The following SYN1 variants were observed in gnomAD, a reference collection of about 807,000 sequenced individuals.
SYN1 encodes the protein synapsin I, also known as synapsin-1.
Under a neutral mutation model 44.6 loss-of-function variants are expected in SYN1, and 8 were observed. The ratio of observed to expected loss-of-function variants is 0.18; its 90% CI spans 0.11 to 0.32. The LOEUF is 0.32. SYN1 is among the 10% of genes least tolerant of loss of function. The probability of loss-of-function intolerance (pLI) is 1.00; values close to 1 mark genes in which losing one functional copy is unlikely to be tolerated. For missense variants in SYN1, 451 were observed against 639.4 expected, an observed-to-expected ratio of 0.71 and a Z score of 3.18; for synonymous variants, 275 against 280.1, an observed-to-expected ratio of 0.98 and a Z score of 0.18.
chrX:47,598,227 G>T (rs933089255), intron 5 of SYN1, among the ~76,000 whole-genome samples: 2 of 112,151 alleles, frequency 1.8e-5, no homozygotes, highest in African/African-American at 3.2e-5. Context: ...ATGTTCATGG[G>T]CACACAATGT....
chrX:47,594,579 G>A (rs1157052961), intron 5 of SYN1, among the ~76,000 whole-genome samples: 1 of 110,529 alleles, frequency 9.0e-6, no homozygotes, highest in Non-Finnish European at 1.9e-5. Context: ...CCTTTTAGAA[G>A]GGGTCCTGCC....
intron 1 of SYN1, among the ~76,000 whole-genome samples, chrX:47,611,724 G>A (rs777875917): frequency 1.8e-5 from 2 of 111,557 alleles, no homozygotes; most frequent in Non-Finnish European, 3.8e-5. Flanking sequence ...GCAAGAGAGG[G>A]TGAGCATATT....
chrX:47,614,452 G>C (rs189327212), intron 1 of SYN1, among the ~76,000 whole-genome samples: 13 of 111,270 alleles, frequency 1.2e-4, no homozygotes, highest in African/African-American at 3.9e-4. Context: ...AGGAGAGGAT[G>C]AATATCATTT....
At chrX:47,586,733 C>G in intron 5 of SYN1, 3 of 1,169,267 alleles carry the variant, frequency 2.6e-6, no homozygotes, top group Non-Finnish European at 3.4e-6. Flanking sequence ...CAGTGTCCAC[C>G]CTGTTCCCAC....
rs1370752310 is a variant in SYN1 at position 47,619,165 on chromosome X, T to C, written c.377+187A>G. On this transcript the variant is annotated intron_variant, in intron 1 of 12. Coordinates refer to ENST00000295987, the MANE Select transcript of SYN1 (RefSeq NM_006950.3). ...AATTGCTCCCTGGATCCATCAAGGTTTAAGGGGCGGAGGGGGGCGACAAGG... is the reference window on the plus strand; with the variant it reads ...AATTGCTCCCTGGATCCATCAAGGTCTAAGGGGCGGAGGGGGGCGACAAGG... Among the ~76,000 whole-genome samples, 12 of 110,338 alleles carry C rather than the reference T, an allele frequency of 1.1e-4. No individual in the cohort carries two copies. In the Admixed American group the frequency reaches 1.1e-3, roughly 11 times the overall value.
Position 47,574,163 on chromosome X carries a change from C to T in SYN1, c.1821G>A (p.Ala607=). 2.0e-5 allele frequency: 21 copies of T among 1,053,406 alleles called. No individual in the cohort carries two copies. The highest frequency in any genetic ancestry group is 2.5e-5 in the Non-Finnish European group (21 of 825,982). The allele number at this position is 1,053,406 out of a possible 1,213,427, so 86.8% of individuals were successfully genotyped here. A position where few individuals can be genotyped will look rare whatever the true frequency, so the allele number is the denominator to read the frequency against. ...GTGGCCCAGTGCGGGGCACGGGACC[C>T]GCCTGGCTGGCCTGGCGTGTGGGGC... The part of the protein sequence containing the change: ...PAGPTRQASQ[A]GPVPRTGPPT... Residue 607 remains alanine (A), a synonymous_variant, in exon 12 of 13, where the codon GCG becomes GCA. Transcript: ENST00000295987.
rs1012970135 is a variant in SYN1 at position 47,576,074 on chromosome X, T to C, written c.1158+57A>G. On this transcript the variant is annotated intron_variant, in intron 9 of 12. Transcript: ENST00000295987. The stretch of plus-strand genomic sequence containing the variant: ...TGCCATGGAGTGCTTCAGTTTGCAC[T>C]GCTGCTGCCTGGCATCTGTTCCTCC... 4 of 1,103,211 alleles carry C rather than the reference T, an allele frequency of 3.6e-6. No homozygotes were observed. In the African/African-American group the frequency reaches 7.3e-5, roughly 20 times the overall value. 90.9% of individuals were successfully genotyped at this position (1,103,211 alleles called of 1,213,427 possible). A position where few individuals can be genotyped will look rare whatever the true frequency, so the allele number is the denominator to read the frequency against.
chrX:47,588,491 C>T (rs1373606902), intron 5 of SYN1, among the ~76,000 whole-genome samples: 1 of 112,205 alleles, frequency 8.9e-6, no homozygotes, highest in Non-Finnish European at 1.9e-5. Flanking sequence ...AGGTCGTTCT[C>T]CTGCCGACCT....
intron 1 of SYN1, among the ~76,000 whole-genome samples, chrX:47,607,802 C>T (rs560163898): frequency 3.7e-5 from 4 of 108,835 alleles, no homozygotes; most frequent in Admixed American, 9.9e-5. Context: ...GAGGCCAAGG[C>T]GGGTGGATCA....
In SYN1 at chrX:47,577,561, G is replaced by A. The variant is rs2057781849; in HGVS notation, c.775-60C>T. The A allele has an allele frequency of 5.6e-6, 6 of 1,068,822 alleles. No individual in the cohort carries two copies. The African/African-American group carries it at 7.3e-5, about 13-fold the overall frequency. 88.1% of individuals were successfully genotyped at this position (1,068,822 alleles called of 1,213,427 possible). ...GCAGAAAGGGTGACCTCCAGGGGTG[G>A]GGCGGCACTGAGGGGATCCCAGCCA... is the stretch of plus-strand genomic sequence containing the variant. On this transcript the variant is annotated intron_variant, in intron 5 of 12. Transcript: ENST00000295987.
intron 5 of SYN1, among the ~76,000 whole-genome samples, chrX:47,591,093 C>T (rs1240527316): frequency 1.8e-5 from 2 of 111,301 alleles, no homozygotes; most frequent in African/African-American, 6.6e-5. Context: ...TCATGTTGCC[C>T]AGGCTGGTCC....
At chrX:47,609,999 C>A (rs2057912202) in intron 1 of SYN1, among the ~76,000 whole-genome samples, 1 of 111,368 alleles carries the variant, frequency 9.0e-6, no homozygotes, top group Non-Finnish European at 1.9e-5. Flanking sequence ...GAAATGGTAA[C>A]CAGACTTGGG....
intron 5 of SYN1, among the ~76,000 whole-genome samples, chrX:47,584,643 G>T (rs1168142612): frequency 8.9e-6 from 1 of 112,088 alleles, no homozygotes; most frequent in Non-Finnish European, 1.9e-5. Context: ...GTTCACTGTT[G>T]TGTCCCTAAC....
In SYN1 at chrX:47,576,605, G is replaced by A. The variant is rs1037949436; in HGVS notation, c.873C>T (p.Ile291=). ...KVDNQHDFQD[I]ASVVALTKTY... ...TCTTGGTCAGTGCCACGACACTTGC[G>A]ATGTCCTGGAAGTCATGCTGGTTGT... The change falls in exon 7 of 13, where the codon ATC becomes ATT. Residue 291 remains isoleucine (I), a synonymous_variant. Coordinates refer to ENST00000295987, the MANE Select transcript of SYN1 (RefSeq NM_006950.3). 6 of 1,211,874 alleles carry A rather than the reference G, an allele frequency of 5.0e-6. No individual in the cohort carries two copies. The highest frequency in any genetic ancestry group is 6.7e-6 in the Non-Finnish European group (6 of 895,579).
At chrX:47,582,407 C>CATTT (rs768561958) in intron 5 of SYN1, 14 of 228,776 alleles carry the variant, frequency 6.1e-5, no homozygotes, top group Admixed American at 1.2e-4. Flanking sequence ...CTAGCGTGGA[C>CATTT]ATTTATCCTC....
intron 1 of SYN1, among the ~76,000 whole-genome samples, chrX:47,608,280 AAGGAAGGAAGGGGAAG>A (rs1402076668): frequency 1.2e-4 from 1 of 8,081 alleles, no homozygotes. Context: ...GGAAGGAAGG[AAGGAAGGAAGGGGAAG>A]GAAGGAAGGG....
chrX:47,611,697 C>T (rs186275186), intron 1 of SYN1, among the ~76,000 whole-genome samples: 33 of 111,698 alleles, frequency 3.0e-4, no homozygotes, highest in Middle Eastern at 4.6e-3. Flanking sequence ...TTACATCATA[C>T]TGATTGTGCA....
chrX:47,604,776 T>C (rs2057891225), intron 5 of SYN1: 5 of 459,960 alleles, frequency 1.1e-5, no homozygotes, highest in East Asian at 7.6e-5. Flanking sequence ...ATCTGATACA[T>C]ATTAGAATGG....
intron 5 of SYN1, among the ~76,000 whole-genome samples, chrX:47,601,537 G>A (rs754486536): frequency 1.8e-5 from 2 of 111,408 alleles, no homozygotes; most frequent in South Asian, 3.7e-4. Context: ...CAGGAGGATC[G>A]CTTGAGCCCA....
Sources: allele counts gnomAD v4.1 joint callset (sites outside exome capture counted in the v4.1 genomes callset), GRCh38; gene constraint gnomAD v4.1.1; transcripts MANE v1.5; gene names NCBI Gene and HGNC (gene_info 2026-07-23, HGNC 2026-07-21).